The following CTTNBP2 variants were observed in gnomAD, a reference collection of about 807,000 sequenced individuals.
CTTNBP2 encodes cortactin binding protein 2, also known as cortactin-binding protein 2.
In CTTNBP2, 108 loss-of-function variants were observed where a neutral mutation model predicts 156.9. The ratio of observed to expected loss-of-function variants is 0.69; its 90% confidence interval spans 0.59 to 0.81. The LOEUF (loss-of-function observed/expected upper bound fraction) is 0.81. CTTNBP2 is among the 30% of genes least tolerant of loss of function. The pLI is 0.00. For missense variants in CTTNBP2, 1,924 were observed against 2,035.4 expected, an observed-to-expected ratio of 0.95 and a Z score of 1.05; for synonymous variants, 767 against 751.8, an observed-to-expected ratio of 1.02 and a Z score of -0.33.
intron 3 of CTTNBP2, among the ~76,000 whole-genome samples, chr7:117,806,926 G>A (rs2116945678): frequency 6.6e-6 from 1 of 151,712 alleles, no homozygotes; most frequent in Non-Finnish European, 1.5e-5. Flanking sequence ...ACCTGACTAA[G>A]TTTTGTATTT....
At chr7:117,761,219 T>A (rs1481634829) in intron 9 of CTTNBP2, among the ~76,000 whole-genome samples, 4 of 152,220 alleles carry the variant, frequency 2.6e-5, no homozygotes. Context: ...GTACCCCAAT[T>A]TCTTCCATAA....
At chr7:117,797,632 A>G (rs565619539) in intron 3 of CTTNBP2, among the ~76,000 whole-genome samples, 10 of 152,350 alleles carry the variant, frequency 6.6e-5, no homozygotes, top group Middle Eastern at 3.4e-3. Context: ...GTACAAACAG[A>G]ACTGATAAGT....
At chr7:117,729,470 AG>A (rs1795285291) in intron 16 of CTTNBP2, among the ~76,000 whole-genome samples, 1 of 152,176 alleles carries the variant, frequency 6.6e-6, no homozygotes, top group Non-Finnish European at 1.5e-5. Context: ...TTTTGCATAG[AG>A]GTGTGTATGC....
At chr7:117,776,033 A>G (rs531773880) in intron 8 of CTTNBP2, among the ~76,000 whole-genome samples, 1 of 152,350 alleles carries the variant, frequency 6.6e-6, no homozygotes, top group African/African-American at 2.4e-5. Flanking sequence ...GAAGTTACCC[A>G]ACCAGGAGCT....
intron 1 of CTTNBP2, among the ~76,000 whole-genome samples, chr7:117,872,693 C>A (rs973177411): frequency 2.6e-5 from 4 of 152,190 alleles, no homozygotes; most frequent in Non-Finnish European, 5.9e-5. Flanking sequence ...AATCCATCCA[C>A]CCCACCCCAA....
At chr7:117,781,129 G>T (rs1798414705) in intron 6 of CTTNBP2, among the ~76,000 whole-genome samples, 1 of 152,200 alleles carries the variant, frequency 6.6e-6, no homozygotes, top group Admixed American at 6.5e-5. Context: ...GTCTCCTGAA[G>T]TCAGGCTAGT....
At chr7:117,763,149 T>G (rs558938923) in intron 9 of CTTNBP2, among the ~76,000 whole-genome samples, 1 of 152,202 alleles carries the variant, frequency 6.6e-6, no homozygotes, top group South Asian at 2.1e-4. Context: ...TATTGTTCAT[T>G]TTATCTCTTA....
intron 9 of CTTNBP2, among the ~76,000 whole-genome samples, chr7:117,761,339 T>TAAC (rs1450556234): frequency 6.6e-6 from 1 of 152,264 alleles, no homozygotes; most frequent in Non-Finnish European, 1.5e-5. Flanking sequence ...GATAAATGGT[T>TAAC]AACAGGGTAG....
At chr7:117,864,785 T>C (rs912674661) in intron 1 of CTTNBP2, among the ~76,000 whole-genome samples, 14 of 139,618 alleles carry the variant, frequency 1.0e-4, no homozygotes, top group Non-Finnish European at 4.6e-5. Context: ...TATATATTCA[T>C]ATATATTCAT....
chr7:117,712,620 A>G (rs1794120967), intron 22 of CTTNBP2, among the ~76,000 whole-genome samples: 1 of 152,230 alleles, frequency 6.6e-6, no homozygotes, highest in Non-Finnish European at 1.5e-5. Flanking sequence ...CCCAACAGCA[A>G]TATAACCATT....
chr7:117,805,334 G>A (rs931571889), intron 3 of CTTNBP2, among the ~76,000 whole-genome samples: 6 of 152,120 alleles, frequency 3.9e-5, no homozygotes, highest in East Asian at 1.9e-4. Context: ...AGTACATATA[G>A]GAAGCCTGAG....
Position 117,791,337 on chromosome 7 carries a change from G to C in CTTNBP2, c.1859C>G (p.Thr620Ser). Residue 620 changes from threonine (T) to serine (S), a missense_variant, in exon 4 of 23, where the codon ACT becomes AGT. Coordinates refer to ENST00000160373, the MANE Select transcript of CTTNBP2 (RefSeq NM_033427.3). ...QLPPKPSIDL[T>S]VAPAGCAVSA... ...AACGGCACAGCCTGCAGGTGCCACAGTTAAATCTATGGATGGTTTTGGTGG... is the reference window on the plus strand; with the variant it reads ...AACGGCACAGCCTGCAGGTGCCACACTTAAATCTATGGATGGTTTTGGTGG... 6.2e-7 allele frequency: 1 copy of C among 1,614,170 alleles called. No individual in the cohort carries two copies.
At chr7:117,846,763 A>C (rs1467247476) in intron 2 of CTTNBP2, among the ~76,000 whole-genome samples, 1 of 152,156 alleles carries the variant, frequency 6.6e-6, no homozygotes, top group Non-Finnish European at 1.5e-5. Flanking sequence ...ATTACGATCT[A>C]ACCATCTTCA....
chr7:117,732,686 A>G (rs1795470407), intron 16 of CTTNBP2, among the ~76,000 whole-genome samples: 3 of 151,624 alleles, frequency 2.0e-5, no homozygotes, highest in Admixed American at 2.0e-4. Flanking sequence ...AGGCACAGAA[A>G]CTAACTTTGT....
intron 1 of CTTNBP2, chr7:117,871,980 C>T: frequency 1.0e-6 from 1 of 985,378 alleles, no homozygotes; most frequent in Non-Finnish European, 1.2e-6. Context: ...AGTTTCCTTA[C>T]TGTGCCCCAC....
chr7:117,754,983 A>G (rs1041303590), intron 12 of CTTNBP2, among the ~76,000 whole-genome samples: 5 of 152,218 alleles, frequency 3.3e-5, no homozygotes, highest in African/African-American at 1.2e-4. Context: ...AGAAGCTGAC[A>G]AGGGGGAAGG....
intron 2 of CTTNBP2, among the ~76,000 whole-genome samples, chr7:117,819,031 T>C (rs1800787707): frequency 1.3e-5 from 2 of 152,312 alleles, no homozygotes; most frequent in East Asian, 1.9e-4. Context: ...TAAACTGTTA[T>C]ATCCCTCTCA....
intron 2 of CTTNBP2, among the ~76,000 whole-genome samples, chr7:117,834,046 TTTTC>T (rs1425688255): frequency 1.5e-5 from 2 of 136,102 alleles, no homozygotes; most frequent in Non-Finnish European, 3.1e-5. Context: ...ATATTTTCTT[TTTTC>T]TTTCTTCTTT....
chr7:117,781,137 A>T (rs892668850), intron 6 of CTTNBP2, among the ~76,000 whole-genome samples: 1 of 152,252 alleles, frequency 6.6e-6, no homozygotes, highest in Non-Finnish European at 1.5e-5. Context: ...AAGTCAGGCT[A>T]GTTGATGAGG....
Sources: gnomAD v4.1 joint callset for allele counts (sites outside exome capture counted in the v4.1 genomes callset) on GRCh38, gnomAD v4.1.1 for gene constraint, MANE v1.5 for transcripts, NCBI Gene and HGNC (gene_info 2026-07-23, HGNC 2026-07-21) for gene names.